The following GAB2 variants were observed in gnomAD, a reference collection of about 807,000 sequenced individuals.
GAB2 encodes the protein GRB2-associated-binding protein 2.
Under a neutral mutation model 65.5 loss-of-function variants are expected in GAB2, and 26 were observed. That is an observed-to-expected ratio of 0.40 (90% CI 0.29 to 0.55). The LOEUF (loss-of-function observed/expected upper bound fraction) is 0.55, where lower values mean the gene tolerates loss of function less well. Ranked by LOEUF, GAB2 falls within the 20% of genes least tolerant of loss-of-function variation. The probability of loss-of-function intolerance (pLI) is 0.53; values close to 1 mark genes in which losing one functional copy is unlikely to be tolerated. For missense variants in GAB2, 884 were observed against 875.8 expected (o/e 1.01, Z -0.12); for synonymous variants, 321 against 329.6 (o/e 0.97, Z 0.28).
chr11:78,226,692 G>A lies in GAB2; in HGVS notation c.980C>T (p.Pro327Leu). The A allele has an allele frequency of 6.2e-7, 1 of 1,614,014 alleles. No individual in the cohort carries two copies. Among genetic ancestry groups the A allele is most frequent in the Non-Finnish European group, 8.5e-7 (1 of 1,179,930 alleles). Residue 327 changes from proline to leucine, a missense_variant, in exon 4 of 10, where the codon CCT (proline) becomes CTT (leucine). Pro to Leu is a moderately conservative substitution (Grantham distance 98, BLOSUM62 -3). Transcript: ENST00000361507. ...PATPLSAYQI[P>L]RTFTLDKNHN... ...GTTTTTGTCCAGAGTGAATGTCCTA[G>A]GGATCTGGTAGGCTGAGAGTGGGGT...
At chr11:78,358,189 G>T (rs2134713356) in intron 1 of GAB2, among the ~76,000 whole-genome samples, 1 of 150,836 alleles carries the variant, frequency 6.6e-6, no homozygotes, top group Non-Finnish European at 1.5e-5. Flanking sequence ...GTCAACTATT[G>T]CAGGGACAAA....
At chr11:78,320,592 A>AT (rs1281461126) in intron 1 of GAB2, among the ~76,000 whole-genome samples, 1 of 151,556 alleles carries the variant, frequency 6.6e-6, no homozygotes, top group Non-Finnish European at 1.5e-5. Context: ...TAACTGGGAG[A>AT]TTTTTTTCTT....
At chr11:78,344,294 G>A (rs1245084443) in intron 1 of GAB2, among the ~76,000 whole-genome samples, 1 of 152,166 alleles carries the variant, frequency 6.6e-6, no homozygotes, top group Non-Finnish European at 1.5e-5. Flanking sequence ...GTATGATTAA[G>A]AAGCTAAGTG....
chr11:78,263,750 A>G (rs1472606200), intron 2 of GAB2, among the ~76,000 whole-genome samples: 1 of 152,108 alleles, frequency 6.6e-6, no homozygotes, highest in Non-Finnish European at 1.5e-5. Flanking sequence ...CATATCACAG[A>G]AGCACAGGTC....
At chr11:78,322,298 C>CAAAAAAAAAAAAAA (rs56709163) in intron 1 of GAB2, among the ~76,000 whole-genome samples, 10 of 12,072 alleles carry the variant, frequency 8.3e-4, no homozygotes, top group East Asian at 1.2e-3. Context: ...GACTCTGTCT[C>CAAAAAAAAAAAAAA]AAAAAAAAAA....
intron 2 of GAB2, among the ~76,000 whole-genome samples, chr11:78,270,859 A>G (rs894486170): frequency 6.6e-6 from 1 of 152,240 alleles, no homozygotes; most frequent in Non-Finnish European, 1.5e-5. Flanking sequence ...CGCTGTGAGG[A>G]GCATCATCTC....
intron 1 of GAB2, among the ~76,000 whole-genome samples, chr11:78,340,735 TA>T (rs1256744400): frequency 1.3e-5 from 2 of 152,016 alleles, no homozygotes; most frequent in African/African-American, 4.8e-5. Context: ...ACCACCATGA[TA>T]AGTACTTACA....
intron 1 of GAB2, among the ~76,000 whole-genome samples, chr11:78,364,823 G>A (rs1856477375): frequency 6.6e-6 from 1 of 152,154 alleles, no homozygotes; most frequent in South Asian, 2.1e-4. Context: ...GATATCAGAA[G>A]ATTCAGTAGA....
At chr11:78,408,301 T>A (rs531052660) in intron 1 of GAB2, among the ~76,000 whole-genome samples, 5 of 152,204 alleles carry the variant, frequency 3.3e-5, no homozygotes, top group Non-Finnish European at 5.9e-5. Flanking sequence ...TGTAAAATGA[T>A]GATACAGACT....
At chr11:78,300,694 T>G (rs28800785) in intron 1 of GAB2, among the ~76,000 whole-genome samples, 2 of 135,068 alleles carry the variant, frequency 1.5e-5, no homozygotes, top group African/African-American at 2.9e-5. Context: ...GGTTTTTTTT[T>G]GTTTTTTTTT....
intron 3 of GAB2, among the ~76,000 whole-genome samples, chr11:78,249,006 A>G (rs1048336396): frequency 7.9e-5 from 12 of 152,346 alleles, no homozygotes; most frequent in Admixed American, 3.9e-4. Context: ...AAACAAATGA[A>G]TCATGTTCTT....
chr11:78,278,566 C>T (rs555368527), intron 2 of GAB2, among the ~76,000 whole-genome samples: 9 of 136,736 alleles, frequency 6.6e-5, no homozygotes, highest in East Asian at 2.4e-4. Context: ...TTAGTAGAGA[C>T]GGGTTTTCAC....
intron 3 of GAB2, among the ~76,000 whole-genome samples, chr11:78,230,482 A>T (rs1421016193): frequency 6.6e-6 from 1 of 152,254 alleles, no homozygotes; most frequent in Admixed American, 6.5e-5. Context: ...TATGGTAATC[A>T]TTCCTTCCTC....
chr11:78,306,190 C>T (rs1855354384), intron 1 of GAB2, among the ~76,000 whole-genome samples: 1 of 152,148 alleles, frequency 6.6e-6, no homozygotes, highest in Non-Finnish European at 1.5e-5. Context: ...TAATATAAAT[C>T]CATCCCAACC....
At chr11:78,371,709 G>A (rs1428356542) in intron 1 of GAB2, among the ~76,000 whole-genome samples, 4 of 152,166 alleles carry the variant, frequency 2.6e-5, no homozygotes, top group Admixed American at 6.5e-5. Context: ...AACCAAGAAC[G>A]TCAAACACCA....
intron 2 of GAB2, among the ~76,000 whole-genome samples, chr11:78,258,974 T>C (rs1284434111): frequency 6.6e-6 from 1 of 152,116 alleles, no homozygotes; most frequent in East Asian, 1.9e-4. Context: ...ATCACCCAGG[T>C]ACTAAATCTA....
At chr11:78,290,204 G>A (rs547855866) in intron 1 of GAB2, among the ~76,000 whole-genome samples, 1 of 152,336 alleles carries the variant, frequency 6.6e-6, no homozygotes, top group African/African-American at 2.4e-5. Context: ...AGTAATAACG[G>A]AGACAAAAGA....
chr11:78,346,159 GACT>G (rs1478643778), intron 1 of GAB2, among the ~76,000 whole-genome samples: 7 of 152,274 alleles, frequency 4.6e-5, no homozygotes, highest in Non-Finnish European at 8.8e-5. Context: ...CAGGCAGAAT[GACT>G]ACAATTCTTC....
At chr11:78,228,360 G>T (rs998631772) in intron 3 of GAB2, among the ~76,000 whole-genome samples, 10 of 152,208 alleles carry the variant, frequency 6.6e-5, no homozygotes, top group African/African-American at 2.4e-4. Context: ...TTGTAGCAGG[G>T]ATTCTAAGCC....
Sources: allele counts gnomAD v4.1 joint callset (sites outside exome capture counted in the v4.1 genomes callset), GRCh38; gene constraint gnomAD v4.1.1; transcripts MANE v1.5; gene names NCBI Gene and HGNC (gene_info 2026-07-23, HGNC 2026-07-21).